RAD50: variants seen among roughly 807,000 people sequenced by gnomAD.
RAD50 encodes the protein DNA repair protein RAD50.
A neutral mutation model predicts 168.8 loss-of-function variants in RAD50; 132 were observed. The observed-to-expected ratio is 0.78, with a 90% CI of 0.68 to 0.90. The LOEUF (loss-of-function observed/expected upper bound fraction) is 0.90. RAD50 is among the 40% of genes least tolerant of loss of function. RAD50 has a pLI of 0.00. For synonymous variants in RAD50, 525 were observed against 497.4 expected (o/e 1.06, Z -0.74); for missense variants, 1,347 against 1,534.4 (o/e 0.88, Z 2.04).
Position 132,592,102 on chromosome 5 carries a change from A to G in RAD50, c.1793+68A>G. 2 of 1,490,910 alleles carry G rather than the reference A, an allele frequency of 1.3e-6. 1 individual carries two copies. Among genetic ancestry groups the G allele is most frequent in the Non-Finnish European group, 1.9e-6 (2 of 1,070,122 alleles). 92.4% of individuals were successfully genotyped at this position (1,490,910 alleles called of 1,614,324 possible). On this transcript the variant is annotated intron_variant, in intron 11 of 24. Transcript: ENST00000378823. ...CATGCTTACCTGTTTAATTGTTTTA[A>G]AATAATTTATTGTCATGAAATGGTA...
In RAD50 at chr5:132,557,447, A is replaced by T. The variant is rs754054728; in HGVS notation, c.123A>T (p.Gly41=). ...TTTTGGTTGGACCCAATGGGGCGGGAAAGACGGTAAGTCTTCAGTAGCCGC... is the reference window on the plus strand; with the variant it reads ...TTTTGGTTGGACCCAATGGGGCGGGTAAGACGGTAAGTCTTCAGTAGCCGC... ...LTILVGPNGA[G]KTTIIECLKY... Residue 41 remains glycine, a synonymous_variant, in exon 1 of 25, where the codon GGA becomes GGT. Coordinates refer to ENST00000378823, the MANE Select transcript of RAD50 (RefSeq NM_005732.4). The T allele has an allele frequency of 1.2e-6, 2 of 1,614,086 alleles. No individual in the cohort carries two copies. The highest frequency in any genetic ancestry group is 1.7e-6 in the Non-Finnish European group (2 of 1,179,938).
At chr5:132,624,871 C>CAAAAAAA (rs10671829) in intron 21 of RAD50, among the ~76,000 whole-genome samples, 2 of 57,326 alleles carry the variant, frequency 3.5e-5, no homozygotes, top group African/African-American at 5.2e-5. Context: ...GACCCTGTCT[C>CAAAAAAA]AAAAAAAAAA....
chr5:132,620,698 C>A (rs1300180645), intron 21 of RAD50, among the ~76,000 whole-genome samples: 1 of 152,128 alleles, frequency 6.6e-6, no homozygotes, highest in Non-Finnish European at 1.5e-5. Context: ...AAGCCCCCCA[C>A]GCAGTCAGAA....
rs750262906 is a variant in RAD50, at chr5:132,638,127, A to T, written c.3522A>T (p.Ser1174=). The T allele has an allele frequency of 8.7e-6, 14 of 1,614,032 alleles. No homozygotes were observed. In the Admixed American group the frequency reaches 1.0e-4, roughly 12 times the overall value. Residue 1174 remains serine (S), a synonymous_variant, in exon 23 of 25, where the codon TCA becomes TCT. Coordinates refer to ENST00000378823, the MANE Select transcript of RAD50 (RefSeq NM_005732.4). ...EIRSDADENV[S]ASDKRRNYNY... ...GGTCTGATGCCGATGAAAATGTATC[A>T]GCTTCTGATAAAAGGCGGAATTATA...
intron 4 of RAD50, 142 bp from the exon 5 acceptor site, chr5:132,579,720 T>TA: frequency 1.1e-6 from 1 of 880,100 alleles, no homozygotes; most frequent in Non-Finnish European, 1.8e-6. Context: ...TTTTTTCACT[T>TA]ACCATTATGT....
intron 22 of RAD50, 58 bp downstream of exon 22, chr5:132,637,258 C>A: frequency 6.4e-7 from 1 of 1,571,528 alleles, no homozygotes; most frequent in Non-Finnish European, 8.7e-7. Context: ...CAGCTCTTCC[C>A]CTTATGACCT....
intron 21 of RAD50, among the ~76,000 whole-genome samples, chr5:132,619,836 C>A (rs11954099): frequency 0.32 from 36,064 of 113,610 alleles, 5,734 homozygotes; most frequent in Admixed American, 0.34. Flanking sequence ...CTCTCTCTCT[C>A]TATATATATA....
At chr5:132,641,215 CAG>C (rs1751713340) in intron 24 of RAD50, among the ~76,000 whole-genome samples, 1 of 152,126 alleles carries the variant, frequency 6.6e-6, no homozygotes, top group Admixed American at 6.5e-5. Flanking sequence ...CCACATGTGT[CAG>C]AGAACTGTGA....
chr5:132,642,360 A>G lies in RAD50; in HGVS notation c.3935A>G (p.His1312Arg), dbSNP rs758732036. Reference protein sequence around the residue: ...CSVSSLGFNVH With the variant: ...CSVSSLGFNVR ...GTTAGCTCCCTGGGATTCAATGTTC[A>G]TTAAAAATATCCAAGATTTAAATGC... is the stretch of plus-strand genomic sequence containing the variant. Residue 1312 changes from histidine (H) to arginine (R), a missense_variant, in exon 25 of 25, where the codon CAT becomes CGT. Transcript: ENST00000378823. The G allele has an allele frequency of 2.5e-6, 4 of 1,612,656 alleles. No individual in the cohort carries two copies. Among genetic ancestry groups the G allele is most frequent in the South Asian group, 2.2e-5 (2 of 90,990 alleles).
chr5:132,588,603 T>G, intron 7 of RAD50, 84 bp from the exon 8 acceptor site: 1 of 1,371,132 alleles, frequency 7.3e-7, no homozygotes, highest in Admixed American at 2.2e-5. Context: ...CACTGCATTA[T>G]TTTTTATAAC....
intron 5 of RAD50, among the ~76,000 whole-genome samples, chr5:132,580,887 A>G (rs1750492599): frequency 6.6e-6 from 1 of 152,182 alleles, no homozygotes; most frequent in African/African-American, 2.4e-5. Context: ...TCATTAAAAA[A>G]TTTATTGATT....
Position 132,642,237 on chromosome 5 carries a change from A to G in RAD50, c.3812A>G (p.Glu1271Gly), listed in dbSNP as rs1237132499. The change falls in exon 25 of 25, where the codon GAA becomes GGA. Residue 1271 changes from glutamate (E) to glycine (G), a missense_variant. This residue lies in a region of RAD50 where 635 missense variants were observed against 739.2 expected (regional missense o/e 0.86). Transcript: ENST00000378823. ...NFQLLVITHD[E>G]DFVELLGRSE... ...CAGCTTCTGGTAATCACTCATGATGAAGATTTTGTGGAGCTTTTAGGACGT... is the reference window on the plus strand; with the variant it reads ...CAGCTTCTGGTAATCACTCATGATGGAGATTTTGTGGAGCTTTTAGGACGT... The G allele has an allele frequency of 1.2e-6, 2 of 1,614,064 alleles. No homozygotes were observed. Among genetic ancestry groups the G allele is most frequent in the Non-Finnish European group, 1.7e-6 (2 of 1,180,018 alleles).
intron 21 of RAD50, among the ~76,000 whole-genome samples, chr5:132,630,129 A>T (rs1412910210): frequency 2.1e-5 from 3 of 145,100 alleles, no homozygotes; most frequent in African/African-American, 5.2e-5. Context: ...TGCCATCTCC[A>T]CCTCCCGGGT....
At chr5:132,634,720 A>C (rs1015212313) in intron 21 of RAD50, among the ~76,000 whole-genome samples, 100 of 152,322 alleles carry the variant, frequency 6.6e-4, no homozygotes, top group African/African-American at 2.3e-3. Flanking sequence ...TGTCCAGTTA[A>C]GAAAACATTC....
At chr5:132,636,634 T>G (rs1751586148) in intron 21 of RAD50, among the ~76,000 whole-genome samples, 1 of 152,166 alleles carries the variant, frequency 6.6e-6, no homozygotes. Context: ...GCAGTTCGAT[T>G]CTCCTATTTT....
chr5:132,623,838 A>G (rs1431566992), intron 21 of RAD50, among the ~76,000 whole-genome samples: 1 of 152,208 alleles, frequency 6.6e-6, no homozygotes, highest in Non-Finnish European at 1.5e-5. Flanking sequence ...CATTCAGACC[A>G]CAGGGCTCAG....
At chr5:132,592,426 T>C (rs1393148468) in intron 11 of RAD50, among the ~76,000 whole-genome samples, 1 of 152,176 alleles carries the variant, frequency 6.6e-6, no homozygotes, top group African/African-American at 2.4e-5. Flanking sequence ...AAATCAGGAC[T>C]GTAAGGTGGA....
intron 11 of RAD50, chr5:132,592,770 A>G: frequency 2.1e-6 from 1 of 468,502 alleles, no homozygotes; most frequent in Non-Finnish European, 4.4e-6. Flanking sequence ...TCAGGATTGT[A>G]CTGGTAAAGC....
intron 2 of RAD50, among the ~76,000 whole-genome samples, chr5:132,567,123 A>G (rs974644598): frequency 2.0e-5 from 3 of 152,234 alleles, no homozygotes; most frequent in African/African-American, 4.8e-5. Flanking sequence ...TTGAATTAGT[A>G]TCAAAGTTAA....
Sources: allele counts gnomAD v4.1 joint callset (sites outside exome capture counted in the v4.1 genomes callset), GRCh38; gene constraint gnomAD v4.1.1; regional missense constraint gnomAD v4.1.1; transcripts MANE v1.5; gene names NCBI Gene and HGNC (gene_info 2026-07-23, HGNC 2026-07-21).